Variants in FBXO4 observed in about 807,000 individuals in gnomAD.
FBXO4 encodes the protein F-box protein 4.
Under a neutral mutation model 43.7 loss-of-function variants are expected in FBXO4, and 36 were observed. That is an observed-to-expected ratio of 0.82 (90% CI 0.63 to 1.09). FBXO4 has a LOEUF of 1.09. Among genes scored for constraint, FBXO4 ranks in the 50% least tolerant of loss-of-function variants. The pLI, the probability that FBXO4 is intolerant of heterozygous loss-of-function variation, is 0.00. For synonymous variants in FBXO4, 180 were observed against 165.6 expected (o/e 1.09, Z -0.67); for missense variants, 435 against 474.1 (o/e 0.92, Z 0.77).
intron 2 of FBXO4, among the ~76,000 whole-genome samples, chr5:41,929,471 CT>C (rs1306380361): frequency 6.6e-6 from 1 of 152,116 alleles, no homozygotes; most frequent in Non-Finnish European, 1.5e-5. Flanking sequence ...GGAAGAGTTC[CT>C]TAGCTTCTGG....
chr5:41,992,121 T>C, the FBXO4 span, among the ~76,000 whole-genome samples: 1 of 152,162 alleles, frequency 6.6e-6, no homozygotes. Context: ...TATTTCCTCT[T>C]AGGAAGAAAC....
the FBXO4 span, among the ~76,000 whole-genome samples, chr5:41,976,081 C>T: frequency 6.6e-6 from 1 of 152,136 alleles, no homozygotes; most frequent in Non-Finnish European, 1.5e-5. Flanking sequence ...AGAACTCACT[C>T]ATCACCAGGG....
At chr5:42,036,124 C>A in the FBXO4 span, among the ~76,000 whole-genome samples, 1 of 152,010 alleles carries the variant, frequency 6.6e-6, no homozygotes, top group Non-Finnish European at 1.5e-5. Flanking sequence ...ACTTTGAGAA[C>A]CACTGGGGTA....
the FBXO4 span, among the ~76,000 whole-genome samples, chr5:41,947,672 T>C: frequency 6.6e-6 from 1 of 152,110 alleles, no homozygotes; most frequent in African/African-American, 2.4e-5. Flanking sequence ...TGGGAGAACA[T>C]GGATAGTAAC....
the FBXO4 span, among the ~76,000 whole-genome samples, chr5:41,974,420 T>C: frequency 6.6e-6 from 1 of 152,228 alleles, no homozygotes; most frequent in Admixed American, 6.5e-5. Flanking sequence ...TGTTTATTTG[T>C]TTGGGTTTTT....
chr5:41,943,930 A>G (rs1752039981), downstream of FBXO4, among the ~76,000 whole-genome samples: 1 of 152,202 alleles, frequency 6.6e-6, no homozygotes, highest in Admixed American at 6.5e-5. Flanking sequence ...TAGACAGACA[A>G]AAGACCACAT....
chr5:41,948,655 C>T, the FBXO4 span, among the ~76,000 whole-genome samples: 1 of 152,062 alleles, frequency 6.6e-6, no homozygotes, highest in Admixed American at 6.6e-5. Context: ...TTTTATCAGT[C>T]AATAATCTTT....
Position 41,939,446 on chromosome 5 carries a change from G to T in FBXO4, c.904G>T (p.Glu302Ter), listed in dbSNP as rs757144519. ...TTTTGACTTACATTCCTTAGGACAT[G>T]AATGGCAAGATGAATTTTCTCATAT... ...VANAEAHKRHEWQDEFSHIMA... is the reference protein window; with the variant it reads ...VANAEAHKRH Residue 302 changes from glutamate to a stop codon, truncating the protein, a stop_gained, in exon 6 of 7, where the codon GAA becomes TAA. Transcript: ENST00000281623. LOFTEE classifies it high-confidence loss of function. The T allele has an allele frequency of 6.2e-7, 1 of 1,608,904 alleles. No individual in the cohort carries two copies. The highest frequency in any genetic ancestry group is 8.5e-7 in the Non-Finnish European group (1 of 1,176,994).
At chr5:42,028,120 T>A in the FBXO4 span, among the ~76,000 whole-genome samples, 1 of 151,870 alleles carries the variant, frequency 6.6e-6, no homozygotes, top group Non-Finnish European at 1.5e-5. Flanking sequence ...CTGGAAGAAA[T>A]GCTGAAATGG....
the FBXO4 span, among the ~76,000 whole-genome samples, chr5:42,040,063 A>C: frequency 6.6e-6 from 1 of 152,096 alleles, no homozygotes. Context: ...CACAGCACAC[A>C]TTGAAGCTGA....
the FBXO4 span, among the ~76,000 whole-genome samples, chr5:42,011,943 AC>A: frequency 6.6e-6 from 1 of 152,154 alleles, no homozygotes; most frequent in African/African-American, 2.4e-5. Context: ...GCAATTAGAT[AC>A]CTTTTTGTTC....
chr5:41,931,266 T>C (rs1215337461), intron 3 of FBXO4, among the ~76,000 whole-genome samples: 2 of 152,218 alleles, frequency 1.3e-5, no homozygotes, highest in African/African-American at 2.4e-5. Context: ...TTAGTGAAGA[T>C]GAGAGAAGAG....
the FBXO4 span, among the ~76,000 whole-genome samples, chr5:41,976,069 T>C: frequency 2.0e-5 from 3 of 152,150 alleles, no homozygotes; most frequent in Non-Finnish European, 4.4e-5. Context: ...ACTACCAGAA[T>C]GAGAACTCAC....
chr5:42,030,742 A>G, the FBXO4 span, among the ~76,000 whole-genome samples: 8 of 152,120 alleles, frequency 5.3e-5, no homozygotes, highest in Admixed American at 2.6e-4. Flanking sequence ...ATCTACAATG[A>G]ACTCCAACAA....
chr5:41,945,032 T>C (rs1183476993), downstream of FBXO4, among the ~76,000 whole-genome samples: 1 of 152,230 alleles, frequency 6.6e-6, no homozygotes, highest in Non-Finnish European at 1.5e-5. Context: ...AGCTATTAAA[T>C]GTTCTAGCCT....
chr5:42,032,210 A>T, the FBXO4 span, among the ~76,000 whole-genome samples: 2 of 151,946 alleles, frequency 1.3e-5, no homozygotes, highest in African/African-American at 4.8e-5. Flanking sequence ...TTTCTCACCC[A>T]AGGCCTGCAG....
chr5:41,994,058 T>A, the FBXO4 span, among the ~76,000 whole-genome samples: 2 of 152,102 alleles, frequency 1.3e-5, no homozygotes, highest in Non-Finnish European at 2.9e-5. Flanking sequence ...ACAAGTCCAC[T>A]CCTAGACAAC....
In FBXO4 at chr5:41,925,516, G is replaced by T. The variant is rs1751456421; in HGVS notation, c.189+18G>T. 2.3e-6 allele frequency: 3 copies of T among 1,307,244 alleles called. No individual in the cohort carries two copies. The highest frequency in any genetic ancestry group is 2.0e-6 in the Non-Finnish European group (2 of 1,020,676). The allele number at this position is 1,307,244 out of a possible 1,614,324, so 81.0% of individuals were successfully genotyped here. A position where few individuals can be genotyped will look rare whatever the true frequency, so the allele number is the denominator to read the frequency against. ...GGCTGCCGGTGAGCGTCGGCCGCAGGCCGCGGAGGACAGTGGGGCCGGCCC... is the reference window on the plus strand; with the variant it reads ...GGCTGCCGGTGAGCGTCGGCCGCAGTCCGCGGAGGACAGTGGGGCCGGCCC... On this transcript the variant is annotated intron_variant, in intron 1 of 6. Coordinates refer to ENST00000281623, the MANE Select transcript of FBXO4 (RefSeq NM_012176.3).
the FBXO4 span, among the ~76,000 whole-genome samples, chr5:41,996,607 A>T: frequency 6.6e-6 from 1 of 152,184 alleles, no homozygotes; most frequent in African/African-American, 2.4e-5. Context: ...GACCCCACTC[A>T]AAACTGGCAG....
Sources: gnomAD v4.1 joint callset for allele counts (sites outside exome capture counted in the v4.1 genomes callset) on GRCh38, gnomAD v4.1.1 for gene constraint, MANE v1.5 for transcripts, NCBI Gene and HGNC (gene_info 2026-07-23, HGNC 2026-07-21) for gene names.